NUAK1: variants seen among roughly 807,000 people sequenced by gnomAD.
NUAK1 encodes the protein NUAK family SNF1-like kinase 1.
A neutral mutation model predicts 56.9 loss-of-function variants in NUAK1; 26 were observed. The ratio of observed to expected loss-of-function variants is 0.46; its 90% CI spans 0.33 to 0.63. The LOEUF is 0.63. NUAK1 is among the 30% of genes least tolerant of loss of function. NUAK1 has a pLI of 0.02. For synonymous variants in NUAK1, 337 were observed against 336.0 expected, an observed-to-expected ratio of 1.00 and a Z score of -0.03; for missense variants, 727 against 876.1, an observed-to-expected ratio of 0.83 and a Z score of 2.15.
Position 106,086,856 on chromosome 12 carries a change from T to C in NUAK1, c.391A>G (p.Ile131Val). 1 of 1,614,092 alleles carries C rather than the reference T, an allele frequency of 6.2e-7. No individual in the cohort carries two copies. The highest frequency in any genetic ancestry group is 1.1e-5 in the South Asian group (1 of 91,078). Residue 131 changes from isoleucine to valine, a missense_variant, in exon 3 of 7, where the codon ATC becomes GTC. Coordinates refer to ENST00000261402, the MANE Select transcript of NUAK1 (RefSeq NM_014840.3). ...VFENKDKIVIIMEYASKGELY... is the reference protein window; with the variant it reads ...VFENKDKIVIVMEYASKGELY... ...TCCCCTTTGCTGGCATATTCCATGATGATCACAATCTTATCTTTGTTCTCA... is the reference window on the plus strand; with the variant it reads ...TCCCCTTTGCTGGCATATTCCATGACGATCACAATCTTATCTTTGTTCTCA...
At chr12:106,087,043 G>T in intron 2 of NUAK1, 158 bp from the exon 3 acceptor site, 1 of 838,520 alleles carries the variant, frequency 1.2e-6, no homozygotes. Context: ...ACGAGGCGTG[G>T]GGCGTGCTGT....
At chr12:106,083,285 C>T (rs2032537552) in intron 4 of NUAK1, among the ~76,000 whole-genome samples, 1 of 152,074 alleles carries the variant, frequency 6.6e-6, no homozygotes, top group African/African-American at 2.4e-5. Flanking sequence ...GCAAAGAGTT[C>T]CAGCTCTAAA....
At chr12:106,103,642 T>C (rs1227330131) in intron 2 of NUAK1, among the ~76,000 whole-genome samples, 1 of 152,206 alleles carries the variant, frequency 6.6e-6, no homozygotes, top group African/African-American at 2.4e-5. Context: ...CAGAATATAC[T>C]GCTTACATGC....
chr12:106,131,121 G>A (rs1029298949), intron 1 of NUAK1, among the ~76,000 whole-genome samples: 2 of 152,124 alleles, frequency 1.3e-5, no homozygotes, highest in South Asian at 2.1e-4. Context: ...AGAGGCCTGA[G>A]AGATAGAGGC....
At chr12:106,120,706 A>G (rs1283832471) in intron 1 of NUAK1, among the ~76,000 whole-genome samples, 8 of 152,218 alleles carry the variant, frequency 5.3e-5, no homozygotes, top group Admixed American at 5.2e-4. Context: ...TGGGGCCTAA[A>G]AAGCAAACAA....
At chr12:106,137,170 G>A (rs1268357901) in intron 1 of NUAK1, among the ~76,000 whole-genome samples, 1 of 152,162 alleles carries the variant, frequency 6.6e-6, no homozygotes, top group Non-Finnish European at 1.5e-5. Context: ...TGAGAATTTG[G>A]GGACTGAACT....
At chr12:106,084,091 C>G (rs2032548254) in intron 3 of NUAK1, 162 bp from the exon 4 acceptor site, 6 of 619,618 alleles carry the variant, frequency 9.7e-6, no homozygotes, top group Non-Finnish European at 1.7e-5. Context: ...CTCTCACTGT[C>G]TTGACGCTCC....
At chr12:106,104,683 G>A (rs186577634) in intron 2 of NUAK1, among the ~76,000 whole-genome samples, 1 of 152,064 alleles carries the variant, frequency 6.6e-6, no homozygotes, top group African/African-American at 2.4e-5. Flanking sequence ...AGATAGAATG[G>A]ATAAAAATTT....
chr12:106,118,981 A>T (rs925411661), intron 1 of NUAK1, among the ~76,000 whole-genome samples: 3 of 152,220 alleles, frequency 2.0e-5, no homozygotes, highest in South Asian at 2.1e-4. Flanking sequence ...TAATAATGCA[A>T]GTTGCTTTCA....
At chr12:106,109,606 T>C (rs779331380) in intron 1 of NUAK1, among the ~76,000 whole-genome samples, 13 of 150,464 alleles carry the variant, frequency 8.6e-5, no homozygotes, top group Non-Finnish European at 1.9e-4. Context: ...TGCAAAAGTA[T>C]CTGCTTCAGG....
At chr12:106,110,826 G>A (rs543020562) in intron 1 of NUAK1, among the ~76,000 whole-genome samples, 30 of 152,316 alleles carry the variant, frequency 2.0e-4, no homozygotes, top group Non-Finnish European at 3.7e-4. Flanking sequence ...TGTGAATCCC[G>A]CCCTGCAGTG....
intron 2 of NUAK1, among the ~76,000 whole-genome samples, chr12:106,102,717 C>G (rs561288256): frequency 1.8e-4 from 28 of 152,170 alleles, no homozygotes; most frequent in Non-Finnish European, 3.5e-4. Context: ...AACCCCATGA[C>G]AGAGCTAGAA....
Position 106,138,414 on chromosome 12 carries a change from C to T in NUAK1, c.240G>A (p.Val80=). 1 of 1,606,442 alleles carries T rather than the reference C, an allele frequency of 6.2e-7. No individual in the cohort carries two copies. Among genetic ancestry groups the T allele is most frequent in the African/African-American group, 1.3e-5 (1 of 74,894 alleles). Residue 80 remains valine (V), a splice_region_variant and synonymous_variant, in exon 1 of 7, where the codon GTG becomes GTA. Transcript: ENST00000261402. This position sits in a 1 kb window ranked among gnomAD's most constrained non-coding sequence, Gnocchi z 5.0. ...KRATERFSGR[V]VAIKSIRKDK... ...CACCCTCCAGGATTGCCCCACTCAC[C>T]ACTCGGCCAGAAAACCTCTCGGTGG...
intron 1 of NUAK1, among the ~76,000 whole-genome samples, chr12:106,130,522 T>C (rs2033067064): frequency 6.6e-6 from 1 of 152,186 alleles, no homozygotes; most frequent in African/African-American, 2.4e-5. Context: ...ATGTTAGGTC[T>C]TTCTTATGGG....
In NUAK1 at chr12:106,075,318, C is replaced by CACACACACACAG. The variant is rs142856878; in HGVS notation, c.580-2476_580-2475insCTGTGTGTGTGT. Among the ~76,000 whole-genome samples the CACACACACACAG allele has an allele frequency of 1.1e-3, 166 of 146,820 alleles. 1 individual carries two copies. The highest frequency in any genetic ancestry group is 4.9e-3 in the East Asian group (23 of 4,670). ...ACACACACACACACACACACACACA[C>CACACACACACAG]AGAGAGAGAGAGAGAGCGTTCTCAG... On this transcript the variant is annotated intron_variant, in intron 4 of 6. Coordinates refer to ENST00000261402, the MANE Select transcript of NUAK1 (RefSeq NM_014840.3).
At chr12:106,101,004 C>T (rs561106242) in intron 2 of NUAK1, among the ~76,000 whole-genome samples, 4 of 152,326 alleles carry the variant, frequency 2.6e-5, no homozygotes, top group Admixed American at 6.5e-5. Flanking sequence ...ATTTCTGCAC[C>T]GAGCTAAGGC....
intron 1 of NUAK1, among the ~76,000 whole-genome samples, chr12:106,131,025 A>G (rs1347105865): frequency 2.0e-5 from 3 of 152,072 alleles, no homozygotes; most frequent in Non-Finnish European, 4.4e-5. Context: ...GGGGCTCTCT[A>G]TGTTGACCAT....
chr12:106,119,304 C>A (rs1186190552), intron 1 of NUAK1, among the ~76,000 whole-genome samples: 2 of 151,526 alleles, frequency 1.3e-5, no homozygotes, highest in Non-Finnish European at 1.5e-5. Context: ...TCAGCCACAT[C>A]CTAACTGAGT....
intron 4 of NUAK1, among the ~76,000 whole-genome samples, chr12:106,081,753 C>T (rs554710043): frequency 2.0e-5 from 3 of 152,348 alleles, no homozygotes; most frequent in South Asian, 2.1e-4. Context: ...TCTGGGAATA[C>T]ATCATGGGAC....
Sources: gnomAD v4.1 joint callset for allele counts (sites outside exome capture counted in the v4.1 genomes callset) on GRCh38, gnomAD v4.1.1 for gene constraint, Gnocchi (gnomAD v3.1) non-coding constraint, MANE v1.5 for transcripts, NCBI Gene and HGNC (gene_info 2026-07-23, HGNC 2026-07-21) for gene names.